Variants in PLEKHH1 observed in about 807,000 individuals in gnomAD.
PLEKHH1 encodes pleckstrin homology, MyTH4 and FERM domain containing H1, also known as pleckstrin homology domain-containing family H member 1.
Under a neutral mutation model 160.0 loss-of-function variants are expected in PLEKHH1, and 104 were observed. That is an observed-to-expected ratio of 0.65 (90% CI 0.55 to 0.76). The LOEUF (loss-of-function observed/expected upper bound fraction) is 0.76, where lower values mean the gene tolerates loss of function less well. Ranked by LOEUF, PLEKHH1 falls within the 30% of genes least tolerant of loss-of-function variation. The pLI is 0.00. For synonymous variants in PLEKHH1, 619 were observed against 678.4 expected (o/e 0.91, Z 1.36); for missense variants, 1,427 against 1,724.1 (o/e 0.83, Z 3.05).
chr14:67,540,664 A>G lies in PLEKHH1; in HGVS notation c.-34-1170A>G, dbSNP rs1048825875. Among the ~76,000 whole-genome samples, 4 of 152,032 alleles carry G rather than the reference A, an allele frequency of 2.6e-5. No individual in the cohort carries two copies. The East Asian group carries it at 7.7e-4, about 29-fold the overall frequency. The stretch of plus-strand genomic sequence containing the variant: ...AAATTATCACCCTAAAAAATTAACA[A>G]TTATTCCTTAAAATTGTTGACTACT... On this transcript the variant is annotated intron_variant, in intron 1 of 28. Transcript: ENST00000329153.
chr14:67,567,997 G>C (rs2035187359), intron 7 of PLEKHH1, among the ~76,000 whole-genome samples: 1 of 152,202 alleles, frequency 6.6e-6, no homozygotes, highest in Non-Finnish European at 1.5e-5. Context: ...AGACCCAGGG[G>C]CCCCCTCAGG....
At chr14:67,559,043 A>G (rs575288544) in intron 4 of PLEKHH1, among the ~76,000 whole-genome samples, 35 of 152,328 alleles carry the variant, frequency 2.3e-4, no homozygotes, top group African/African-American at 8.4e-4. Context: ...CCAGCTCTGA[A>G]ATACTGAGAG....
At position 67,586,865 on chromosome 14, in the gene PLEKHH1, G is replaced by C. The variant is rs938976080; in HGVS notation, c.3934-209G>C. ...TTTCTCAGAAGGGCACTGTGCATCT[G>C]AGAGGATCTCCAGACCAACAGGAGC... On this transcript the variant is annotated intron_variant, in intron 28 of 28. Coordinates refer to ENST00000329153, the MANE Select transcript of PLEKHH1 (RefSeq NM_020715.3). 1.3e-5 allele frequency: 20 copies of C among 1,514,808 alleles called. No homozygotes were observed. In the Admixed American group the frequency reaches 2.8e-4, roughly 21 times the overall value. 93.8% of individuals were successfully genotyped at this position (1,514,808 alleles called of 1,614,324 possible). A position where few individuals can be genotyped will look rare whatever the true frequency, so the allele number is the denominator to read the frequency against.
intron 21 of PLEKHH1, 168 bp from the exon 22 acceptor site, chr14:67,579,553 C>A: frequency 1.5e-6 from 1 of 687,154 alleles, no homozygotes; most frequent in Non-Finnish European, 2.4e-6. Context: ...GATAAGCTCA[C>A]ATCCCTCATG....
chr14:67,575,514 C>A (rs2035584748), intron 15 of PLEKHH1, 42 bp downstream of exon 15: 1 of 1,244,344 alleles, frequency 8.0e-7, no homozygotes. Flanking sequence ...TCCTGCTTCC[C>A]CCGAAGCACA....
At position 67,588,167 on chromosome 14, in the gene PLEKHH1, C is replaced by A. The variant is rs184355875; in HGVS notation, c.*932C>A. ...GGACTTTAGGCCAAACCCAGTACCA[C>A]GCAATGTGCAAGCAAGGGCAGGAGG... On this transcript the variant is annotated 3_prime_UTR_variant, in exon 29 of 29. Transcript: ENST00000329153. The A allele has an allele frequency of 3.3e-5, 5 of 152,690 alleles. No homozygotes were observed. Among genetic ancestry groups the A allele is most frequent in the Non-Finnish European group, 7.3e-5 (5 of 68,060 alleles). 9.5% of individuals were successfully genotyped at this position (152,690 alleles called of 1,614,324 possible).
chr14:67,569,334 C>T (rs1453863446), intron 8 of PLEKHH1, 118 bp downstream of exon 8: 1 of 653,966 alleles, frequency 1.5e-6, no homozygotes, highest in Non-Finnish European at 2.7e-6. Context: ...TACCCTGTTC[C>T]CCTCCCCAGC....
chr14:67,581,981 T>G, intron 23 of PLEKHH1, 88 bp from the exon 24 acceptor site: 9 of 1,308,946 alleles, frequency 6.9e-6, no homozygotes, highest in Non-Finnish European at 9.5e-6. Context: ...CTTTATCTTT[T>G]TGGAAATAAA....
chr14:67,554,802 G>A (rs769989635), intron 2 of PLEKHH1, among the ~76,000 whole-genome samples: 31 of 152,182 alleles, frequency 2.0e-4, no homozygotes, highest in Non-Finnish European at 3.2e-4. Context: ...GAGCCTCCAC[G>A]TACAAGAACT....
At position 67,574,553 on chromosome 14, in the gene PLEKHH1, C is replaced by T. The variant is rs906220557; in HGVS notation, c.2088+150C>T. On this transcript the variant is annotated intron_variant, in intron 14 of 28. Coordinates refer to ENST00000329153, the MANE Select transcript of PLEKHH1 (RefSeq NM_020715.3). The surrounding 1 kb of genome is among the most constrained non-coding windows in gnomAD (Gnocchi z 4.2). ...AGTGACTCGCTGGCCAGCCCTCAAACGTGGTCTGGCCACACAAGGTGATGG... is the reference window on the plus strand; with the variant it reads ...AGTGACTCGCTGGCCAGCCCTCAAATGTGGTCTGGCCACACAAGGTGATGG... 1.0e-5 allele frequency: 6 copies of T among 583,314 alleles called. No homozygotes were observed. Among genetic ancestry groups the T allele is most frequent in the Admixed American group, 7.2e-5 (2 of 27,646 alleles). 36.1% of individuals were successfully genotyped at this position (583,314 alleles called of 1,614,324 possible). A position where few individuals can be genotyped will look rare whatever the true frequency, so the allele number is the denominator to read the frequency against.
intron 9 of PLEKHH1, chr14:67,571,513 A>G (rs115326729): frequency 1.0e-4 from 45 of 444,652 alleles, no homozygotes; most frequent in Non-Finnish European, 1.6e-4. Context: ...TTCAGTCGTG[A>G]TGGGCAGCTG....
At position 67,587,476 on chromosome 14, in the gene PLEKHH1, T is replaced by C. The variant is rs150715914; in HGVS notation, c.*241T>C. On this transcript the variant is annotated 3_prime_UTR_variant, in exon 29 of 29. Transcript: ENST00000329153. ...TTTATTCCTTTTTTCATAAGAATAA[T>C]GACTCCAGATGCTACCTGATTCTAG... The C allele has an allele frequency of 1.0e-3, 562 of 539,370 alleles. 2 individuals carry two copies. Among genetic ancestry groups the C allele is most frequent in the Middle Eastern group, 2.5e-3 (5 of 1,980 alleles). The allele number at this position is 539,370 out of a possible 1,614,324, so 33.4% of individuals were successfully genotyped here. A position where few individuals can be genotyped will look rare whatever the true frequency, so the allele number is the denominator to read the frequency against.
intron 2 of PLEKHH1, among the ~76,000 whole-genome samples, chr14:67,542,731 G>C (rs192593828): frequency 6.6e-6 from 1 of 150,964 alleles, no homozygotes; most frequent in Non-Finnish European, 1.5e-5. Context: ...ATGGAGTTTC[G>C]CTCTTGTTGC....
intron 1 of PLEKHH1, among the ~76,000 whole-genome samples, chr14:67,535,493 G>C (rs2033677160): frequency 6.9e-6 from 1 of 145,652 alleles, no homozygotes; most frequent in Admixed American, 7.3e-5. Context: ...CAGTTCACCT[G>C]CCTTAGCCTC....
chr14:67,562,325 G>A lies in PLEKHH1; in HGVS notation c.694G>A (p.Ala232Thr), dbSNP rs1270363610. 1.2e-6 allele frequency: 2 copies of A among 1,614,006 alleles called. No homozygotes were observed. The highest frequency in any genetic ancestry group is 2.2e-5 in the South Asian group (2 of 91,086). Residue 232 changes from alanine (A) to threonine (T), a missense_variant, in exon 7 of 29, where the codon GCA becomes ACA. Transcript: ENST00000329153. ...ALQSKDSVSE[A>T]ASPLEDSSSS... ...GCAGAGCAAGGACTCTGTTTCTGAA[G>A]CAGCAAGCCCCTTGGAGGATTCTAG... is the stretch of plus-strand genomic sequence containing the variant.
chr14:67,563,361 G>A (rs1428375839), intron 7 of PLEKHH1, among the ~76,000 whole-genome samples: 1 of 151,948 alleles, frequency 6.6e-6, no homozygotes, highest in African/African-American at 2.4e-5. Flanking sequence ...ACTTACAGTA[G>A]TGGTTCACAG....
chr14:67,581,562 T>C (rs2035901737), intron 23 of PLEKHH1: 1 of 166,620 alleles, frequency 6.0e-6, no homozygotes. Context: ...ACCAACCTCA[T>C]GGGATGGCTA....
At position 67,569,161 on chromosome 14, in the gene PLEKHH1, C is replaced by T. The variant is rs759927022; in HGVS notation, c.1287C>T (p.Ala429=). The change falls in exon 8 of 29, where the codon GCC becomes GCT. Residue 429 remains alanine, a synonymous_variant. Transcript: ENST00000329153. ...AGGAGAGCCGGATCTATGCTGTGGC[C>T]ACATCGGGCATGCGGCTCTCAGATA... ...SSWESRIYAV[A]TSGMRLSDMS... 4.3e-6 allele frequency: 7 copies of T among 1,612,576 alleles called. No individual in the cohort carries two copies. The highest frequency in any genetic ancestry group is 1.1e-5 in the South Asian group (1 of 91,066).
chr14:67,578,677 T>G lies in PLEKHH1; in HGVS notation c.2849+46T>G. 1.7e-6 allele frequency: 2 copies of G among 1,204,530 alleles called. No homozygotes were observed. The highest frequency in any genetic ancestry group is 2.6e-5 in the South Asian group (2 of 77,340). 74.6% of individuals were successfully genotyped at this position (1,204,530 alleles called of 1,614,324 possible). Reference sequence around the variant, plus strand: ...CCTCTGCCACTTGAGCACTGCCAACTGCCGCATGAATAAGAGGGATGAGAG... The same window carrying G: ...CCTCTGCCACTTGAGCACTGCCAACGGCCGCATGAATAAGAGGGATGAGAG... On this transcript the variant is annotated intron_variant, in intron 20 of 28. Coordinates refer to ENST00000329153, the MANE Select transcript of PLEKHH1 (RefSeq NM_020715.3). This position sits in a 1 kb window ranked among gnomAD's most constrained non-coding sequence, Gnocchi z 5.0.
Sources: allele counts gnomAD v4.1 joint callset (sites outside exome capture counted in the v4.1 genomes callset), GRCh38; gene constraint gnomAD v4.1.1; non-coding constraint Gnocchi (gnomAD v3.1); transcripts MANE v1.5; gene names NCBI Gene and HGNC (gene_info 2026-07-23, HGNC 2026-07-21).